ATRX: variants seen among roughly 807,000 people sequenced by gnomAD.
ATRX encodes the protein chromatin remodeler ATRX.
A neutral mutation model predicts 172.6 loss-of-function variants in ATRX; 12 were observed. The observed-to-expected ratio is 0.07, with a 90% CI of 0.04 to 0.11. The LOEUF (loss-of-function observed/expected upper bound fraction) is 0.11. Among genes scored for constraint, ATRX ranks in the 10% least tolerant of loss-of-function variants. The probability of loss-of-function intolerance (pLI) is 1.00; values close to 1 mark genes in which losing one functional copy is unlikely to be tolerated. For synonymous variants in ATRX, 674 were observed against 594.7 expected (o/e 1.13, Z -1.94); for missense variants, 1,368 against 1,767.4 (o/e 0.77, Z 4.05).
At chrX:77,693,712 T>C (rs1557148284) in intron 6 of ATRX, 112 bp downstream of exon 6, 15 of 586,492 alleles carry the variant, frequency 2.6e-5, no homozygotes, top group Non-Finnish European at 2.9e-6. Context: ...AAGTAGTGCT[T>C]TTAATAAACA....
At position 77,733,036 on chromosome X, in the gene ATRX, G is replaced by A. The variant is rs1383454058; in HGVS notation, c.21-15793C>T. ...TACAGACTCTACAAAAAAACTATTAGAACGGATAAACAAATTCAGTAAACT... is the reference window on the plus strand; with the variant it reads ...TACAGACTCTACAAAAAAACTATTAAAACGGATAAACAAATTCAGTAAACT... On this transcript the variant is annotated intron_variant, in intron 1 of 34. Coordinates refer to ENST00000373344, the MANE Select transcript of ATRX (RefSeq NM_000489.6). Among the ~76,000 whole-genome samples, 3 of 111,959 alleles carry A rather than the reference G, an allele frequency of 2.7e-5. No homozygotes were observed. In the East Asian group the frequency reaches 8.4e-4, roughly 31 times the overall value.
rs2071307464 is a variant in ATRX, at chrX:77,682,811, A to T, written c.2445T>A (p.Ser815=). 8.3e-7 allele frequency: 1 copy of T among 1,209,638 alleles called. No individual in the cohort carries two copies. The highest frequency in any genetic ancestry group is 1.8e-5 in the South Asian group (1 of 56,469). Residue 815 remains serine, a synonymous_variant, in exon 9 of 35, where the codon TCT becomes TCA. Coordinates refer to ENST00000373344, the MANE Select transcript of ATRX (RefSeq NM_000489.6). The part of the protein sequence containing the change: ...KKKRQTQSES[S]NYDSELEKEI... The stretch of plus-strand genomic sequence containing the variant: ...CTTTTTCTAATTCTGAGTCATAATT[A>T]GAAGACTCAGACTGGGTTTGTCGTT...
chrX:77,610,250 G>T (rs2067098702), intron 22 of ATRX, among the ~76,000 whole-genome samples: 1 of 112,016 alleles, frequency 8.9e-6, no homozygotes, highest in African/African-American at 3.2e-5. Context: ...GTCCTGGCCA[G>T]AACCTCTAGA....
chrX:77,757,629 G>C (rs1238474844), intron 1 of ATRX, among the ~76,000 whole-genome samples: 2 of 110,549 alleles, frequency 1.8e-5, no homozygotes, highest in African/African-American at 6.6e-5. Context: ...GGTTCCATTT[G>C]TAACTTAAGA....
intron 19 of ATRX, among the ~76,000 whole-genome samples, chrX:77,629,446 T>C (rs1008341200): frequency 4.8e-4 from 54 of 112,253 alleles, no homozygotes; most frequent in African/African-American, 1.7e-3. Flanking sequence ...AACAACAGTT[T>C]TAATATATTC....
intron 22 of ATRX, among the ~76,000 whole-genome samples, chrX:77,610,643 T>C (rs1365626850): frequency 9.0e-6 from 1 of 111,477 alleles, no homozygotes; most frequent in Non-Finnish European, 1.9e-5. Flanking sequence ...TTTGATCACA[T>C]TGCTATGCAT....
intron 1 of ATRX, among the ~76,000 whole-genome samples, chrX:77,775,567 C>G (rs1279762796): frequency 3.6e-5 from 4 of 110,383 alleles, no homozygotes; most frequent in Non-Finnish European, 7.6e-5. Flanking sequence ...ACCTATAGTC[C>G]CAGATATTCG....
intron 19 of ATRX, among the ~76,000 whole-genome samples, chrX:77,627,921 T>C (rs1198574513): frequency 9.0e-6 from 1 of 111,194 alleles, no homozygotes; most frequent in African/African-American, 3.3e-5. Context: ...GTTTGTTACC[T>C]TATATACTTT....
chrX:77,616,152 A>C (rs1207807439), intron 22 of ATRX: 1 of 778,696 alleles, frequency 1.3e-6, no homozygotes. Context: ...TTCTGTTAGC[A>C]TTTTGGTGTA....
Position 77,682,324 on chromosome X carries a change from A to T in ATRX, c.2932T>A (p.Ser978Thr). The T allele has an allele frequency of 1.7e-6, 2 of 1,206,046 alleles. No homozygotes were observed. ...FLKKDQSDETSEDDKKQSKKG... is the reference protein window; with the variant it reads ...FLKKDQSDETTEDDKKQSKKG... ...TTGCTCTGCTTTTTATCATCTTCAG[A>T]AGTTTCATCGCTCTGGTCTTTCTTT... Residue 978 changes from serine to threonine, a missense_variant, in exon 9 of 35, where the codon TCT becomes ACT. Ser to Thr is a moderately conservative substitution (Grantham distance 58). This residue lies in a region of ATRX where 843 missense variants were observed against 643.1 expected (regional missense o/e 1.31). Coordinates refer to ENST00000373344, the MANE Select transcript of ATRX (RefSeq NM_000489.6).
chrX:77,551,285 A>G (rs1224568743), intron 30 of ATRX, among the ~76,000 whole-genome samples: 1 of 111,754 alleles, frequency 8.9e-6, no homozygotes, highest in Admixed American at 9.5e-5. Context: ...CCAATGGAAC[A>G]GAATAGAGCC....
intron 27 of ATRX, among the ~76,000 whole-genome samples, chrX:77,588,976 T>C (rs1212445149): frequency 4.5e-5 from 5 of 112,183 alleles, no homozygotes; most frequent in Non-Finnish European, 7.5e-5. Context: ...AAATAACAAG[T>C]GTTGACAAGA....
intron 15 of ATRX, among the ~76,000 whole-genome samples, chrX:77,636,782 AGAAG>A (rs1436230431): frequency 2.8e-5 from 3 of 107,858 alleles, no homozygotes; most frequent in East Asian, 5.8e-4. Context: ...AAAAGAAGAA[AGAAG>A]GAAGAAGAAG....
chrX:77,667,286 C>T (rs782245619), intron 10 of ATRX, among the ~76,000 whole-genome samples: 4 of 78,985 alleles, frequency 5.1e-5, no homozygotes, highest in East Asian at 4.1e-4. Flanking sequence ...AATTTTGGGA[C>T]GAATAAATAT....
chrX:77,765,999 G>C (rs1423078223), intron 1 of ATRX, among the ~76,000 whole-genome samples: 4 of 111,266 alleles, frequency 3.6e-5, no homozygotes, highest in Non-Finnish European at 5.7e-5. Flanking sequence ...AGAGAGCACA[G>C]GGTTGGGGGT....
intron 34 of ATRX, among the ~76,000 whole-genome samples, chrX:77,515,932 G>A (rs2063038455): frequency 9.0e-6 from 1 of 111,610 alleles, no homozygotes; most frequent in African/African-American, 3.3e-5. Context: ...CAGGAACATG[G>A]ATGGAGCTGG....
chrX:77,634,500 T>C, intron 17 of ATRX, 94 bp downstream of exon 17: 1 of 745,362 alleles, frequency 1.3e-6, no homozygotes, highest in Non-Finnish European at 2.1e-6. Flanking sequence ...TGCTTTATCT[T>C]CAGCCCCTAC....
rs2148565793 is a variant in ATRX, at chrX:77,681,516, A to G, written c.3736+4T>C. 1.7e-6 allele frequency: 2 copies of G among 1,206,543 alleles called. No homozygotes were observed. The highest frequency in any genetic ancestry group is 2.2e-6 in the Non-Finnish European group (2 of 891,354). ...TTATGAATTTTTTATTTATTTTTGCATACCTGAAGATTGGCAAAATCCAGT... is the reference window on the plus strand; with the variant it reads ...TTATGAATTTTTTATTTATTTTTGCGTACCTGAAGATTGGCAAAATCCAGT... On this transcript the variant is annotated splice_donor_region_variant and intron_variant, in intron 9 of 34. Coordinates refer to ENST00000373344, the MANE Select transcript of ATRX (RefSeq NM_000489.6).
chrX:77,687,800 G>T (rs2071662807), intron 7 of ATRX, among the ~76,000 whole-genome samples: 1 of 112,169 alleles, frequency 8.9e-6, no homozygotes. Flanking sequence ...TGCAAGAAAA[G>T]ATCTAGAGCT....
Sources: allele counts gnomAD v4.1 joint callset (sites outside exome capture counted in the v4.1 genomes callset), GRCh38; gene constraint gnomAD v4.1.1; regional missense constraint gnomAD v4.1.1; transcripts MANE v1.5; gene names NCBI Gene and HGNC (gene_info 2026-07-23, HGNC 2026-07-21).